Variants in ERF observed in about 807,000 individuals in gnomAD.
ERF encodes the protein ETS2 repressor factor.
In ERF, 10 loss-of-function variants were observed where a neutral mutation model predicts 41.6. The ratio of observed to expected loss-of-function variants is 0.24; its 90% CI spans 0.15 to 0.41. ERF has a LOEUF of 0.41. ERF is among the 10% of genes least tolerant of loss of function. The pLI, the probability that ERF is intolerant of heterozygous loss-of-function variation, is 1.00. For synonymous variants in ERF, 395 were observed against 342.4 expected (o/e 1.15, Z -1.70); for missense variants, 621 against 763.2 (o/e 0.81, Z 2.19).
At chr19:42,254,520 C>G (rs1203529697) in intron 1 of ERF, 1 of 155,362 alleles carries the variant, frequency 6.4e-6, no homozygotes, top group Non-Finnish European at 1.4e-5. Flanking sequence ...AGAGGCCATC[C>G]CGTATCCCCC....
At chr19:42,251,399 G>T (rs1599825541) in intron 1 of ERF, 1 of 983,488 alleles carries the variant, frequency 1.0e-6, no homozygotes, top group East Asian at 1.2e-4. Flanking sequence ...CTTGGGTAGA[G>T]GTTGGCGGTG....
Position 42,248,947 on chromosome 19 carries a change from G to A in ERF, c.1165C>T (p.Arg389Trp), listed in dbSNP as rs1599820769. ...GCTACGGCCTTCTCCCCAGCTGCCC[G>A]CTGCCGGCGTCCGAGTGGGGGCGGC... Reference protein sequence around the residue: ...LQPPPLGRRQRAAGEKAVAGA... With the variant: ...LQPPPLGRRQWAAGEKAVAGA... Residue 389 changes from arginine (R) to tryptophan (W), a missense_variant, in exon 4 of 4, where the codon CGG (arginine) becomes TGG (tryptophan). Physicochemically the swap from Arg to Trp is moderately radical, Grantham distance 101. Transcript: ENST00000222329. This position sits in a 1 kb window ranked among gnomAD's most constrained non-coding sequence, Gnocchi z 4.2. 1 of 1,606,008 alleles carries A rather than the reference G, an allele frequency of 6.2e-7. No homozygotes were observed. The highest frequency in any genetic ancestry group is 8.5e-7 in the Non-Finnish European group (1 of 1,179,522).
At chr19:42,252,978 G>A (rs981582863) in intron 1 of ERF, among the ~76,000 whole-genome samples, 1 of 152,166 alleles carries the variant, frequency 6.6e-6, no homozygotes, top group Non-Finnish European at 1.5e-5. Context: ...TCAGGAGACT[G>A]CGAGACAGAG....
chr19:42,253,669 C>G (rs1271063619), intron 1 of ERF, among the ~76,000 whole-genome samples: 2 of 152,118 alleles, frequency 1.3e-5, no homozygotes, highest in Non-Finnish European at 2.9e-5. Flanking sequence ...CACCCCGGCC[C>G]CACCCCCAGG....
chr19:42,250,081 G>A lies in ERF; in HGVS notation c.258-139C>T. ...CCACAAAAGACAAATCAAGTGCCCA[G>A]AGGGTGGGTACCAGCTCTCTCCTCA... is the stretch of plus-strand genomic sequence containing the variant. On this transcript the variant is annotated intron_variant, in intron 2 of 3. Transcript: ENST00000222329. This position sits in a 1 kb window ranked among gnomAD's most constrained non-coding sequence, Gnocchi z 5.1. 5.6e-6 allele frequency: 5 copies of A among 886,008 alleles called. No homozygotes were observed. Among genetic ancestry groups the A allele is most frequent in the African/African-American group, 3.3e-5 (2 of 60,854 alleles). 54.9% of individuals were successfully genotyped at this position (886,008 alleles called of 1,614,324 possible).
At chr19:42,251,504 T>A in intron 1 of ERF, 16 of 285,846 alleles carry the variant, frequency 5.6e-5, no homozygotes, top group Non-Finnish European at 8.2e-5. Flanking sequence ...ACAGGGGCCA[T>A]CAATAATTCA....
At chr19:42,253,918 C>G (rs2036489707) in intron 1 of ERF, 3 of 1,055,754 alleles carry the variant, frequency 2.8e-6, no homozygotes, top group Non-Finnish European at 1.1e-6. Flanking sequence ...ACAGCGGCGC[C>G]CGGCCCCCTT....
chr19:42,249,851 G>A lies in ERF; in HGVS notation c.349C>T (p.Pro117Ser). Residue 117 changes from proline (P) to serine (S), a missense_variant, in exon 3 of 4, where the codon CCA (proline) becomes TCA (serine). Transcript: ENST00000222329. This position sits in a 1 kb window ranked among gnomAD's most constrained non-coding sequence, Gnocchi z 8.6. ...CCAGCCAACCCCACATCAATGAATG[G>A]GTAATTGACCAGCACCAGTTTGTTG... is the stretch of plus-strand genomic sequence containing the variant. ...NFNKLVLVNYPFIDVGLAGGA... is the reference protein window; with the variant it reads ...NFNKLVLVNYSFIDVGLAGGA... 6.2e-7 allele frequency: 1 copy of A among 1,614,140 alleles called. No homozygotes were observed. The highest frequency in any genetic ancestry group is 1.1e-5 in the South Asian group (1 of 91,068).
In ERF at chr19:42,248,322, G is replaced by T. The variant is rs2036365903; in HGVS notation, c.*143C>A. 2.8e-4 allele frequency: 122 copies of T among 442,484 alleles called. No homozygotes were observed. The highest frequency in any genetic ancestry group is 7.9e-4 in the Middle Eastern group (1 of 1,262). The allele number at this position is 442,484 out of a possible 1,614,324, so 27.4% of individuals were successfully genotyped here. A position where few individuals can be genotyped will look rare whatever the true frequency, so the allele number is the denominator to read the frequency against. ...CCATTTTTAAAAAAAAGAAATTAAA[G>T]TTTTATACAAAATGTGGGGAGGGAA... On this transcript the variant is annotated 3_prime_UTR_variant, in exon 4 of 4. Coordinates refer to ENST00000222329, the MANE Select transcript of ERF (RefSeq NM_006494.4). The surrounding 1 kb of genome is among the most constrained non-coding windows in gnomAD (Gnocchi z 4.2).
At chr19:42,252,957 G>A (rs1282419246) in intron 1 of ERF, among the ~76,000 whole-genome samples, 1 of 152,184 alleles carries the variant, frequency 6.6e-6, no homozygotes, top group Non-Finnish European at 1.5e-5. Flanking sequence ...CAGGCACATG[G>A]AGAGAGGGGT....
chr19:42,248,725 G>C lies in ERF; in HGVS notation c.1387C>G (p.Pro463Ala), dbSNP rs1225495806. 1 of 1,613,636 alleles carries C rather than the reference G, an allele frequency of 6.2e-7. No homozygotes were observed. ...GCCTCGCCGGGCTCAGGCTTAGGGG[G>C]TGCAGGTGGGGCACGGGGCGTCTTG... Reference protein sequence around the residue: ...VFKTPRAPPAPPKPEPGEAPG... With the variant: ...VFKTPRAPPAAPKPEPGEAPG... The change falls in exon 4 of 4, where the codon CCC (proline) becomes GCC (alanine). Residue 463 changes from proline (P) to alanine (A), a missense_variant. Pro to Ala is a conservative substitution (Grantham distance 27, BLOSUM62 -1). Coordinates refer to ENST00000222329, the MANE Select transcript of ERF (RefSeq NM_006494.4). The surrounding 1 kb of genome is among the most constrained non-coding windows in gnomAD (Gnocchi z 4.2).
chr19:42,253,938 C>T, intron 1 of ERF: 1 of 1,032,026 alleles, frequency 9.7e-7, no homozygotes. Flanking sequence ...TCCCCCTCCC[C>T]CGTCCCCGCC....
chr19:42,248,949 T>C lies in ERF; in HGVS notation c.1163A>G (p.Gln388Arg). The C allele has an allele frequency of 6.2e-7, 1 of 1,606,454 alleles. No homozygotes were observed. The change falls in exon 4 of 4, where the codon CAG (glutamine) becomes CGG (arginine). Residue 388 changes from glutamine (Q) to arginine (R), a missense_variant. Physicochemically the swap from Gln to Arg is conservative, Grantham distance 43. Around this residue, in one of 3 missense-constraint regions of ERF, gnomAD observed 569 missense variants for 625.5 expected, o/e 0.91. Transcript: ENST00000222329. This position sits in a 1 kb window ranked among gnomAD's most constrained non-coding sequence, Gnocchi z 4.2. ...KLQPPPLGRR[Q>R]RAAGEKAVAG... is the part of the protein sequence containing the mutation. ...TACGGCCTTCTCCCCAGCTGCCCGC[T>C]GCCGGCGTCCGAGTGGGGGCGGCTG...
chr19:42,254,121 G>A (rs1390295079), intron 1 of ERF, among the ~76,000 whole-genome samples: 1 of 151,834 alleles, frequency 6.6e-6, no homozygotes, highest in Non-Finnish European at 1.5e-5. Flanking sequence ...GCCGACCGAG[G>A]GGGAGGGGAA....
In ERF at chr19:42,247,964, G is replaced by C. The variant is rs949742393; in HGVS notation, c.*501C>G. On this transcript the variant is annotated 3_prime_UTR_variant, in exon 4 of 4. Transcript: ENST00000222329. ...CCTCCCTCCCCTGCTGTGACCTTGTGGGGTATGAGAAACCTAGGCACTCAT... is the reference window on the plus strand; with the variant it reads ...CCTCCCTCCCCTGCTGTGACCTTGTCGGGTATGAGAAACCTAGGCACTCAT... 1 of 153,206 alleles carries C rather than the reference G, an allele frequency of 6.5e-6. No homozygotes were observed. Among genetic ancestry groups the C allele is most frequent in the Non-Finnish European group, 1.5e-5 (1 of 68,586 alleles). The allele number at this position is 153,206 out of a possible 1,614,324, so 9.5% of individuals were successfully genotyped here.
Position 42,250,788 on chromosome 19 carries a change from C to T in ERF, c.23-223G>A, listed in dbSNP as rs111769884. On this transcript the variant is annotated intron_variant, in intron 1 of 3. Coordinates refer to ENST00000222329, the MANE Select transcript of ERF (RefSeq NM_006494.4). This position sits in a 1 kb window ranked among gnomAD's most constrained non-coding sequence, Gnocchi z 5.1. ...GAGGGGAAGCTGGAGCCCGCTCCAG[C>T]GACACCGGGAGAAACAGGAAACCGT... is the stretch of plus-strand genomic sequence containing the variant. Among the ~76,000 whole-genome samples the T allele has an allele frequency of 6.6e-6, 1 of 152,082 alleles. No individual in the cohort carries two copies. Among genetic ancestry groups the T allele is most frequent in the African/African-American group, 2.4e-5 (1 of 41,412 alleles).
chr19:42,253,706 C>A (rs1599828551), intron 1 of ERF: 1 of 285,276 alleles, frequency 3.5e-6, no homozygotes, highest in African/African-American at 2.3e-5. Flanking sequence ...GGTCCCAATC[C>A]CCTGGCGCCG....
chr19:42,250,713 A>T lies in ERF; in HGVS notation c.23-148T>A. ...GTCAAGATCTGATTTAAGAGAAGAC[A>T]GTGCGTGTCTGTCTGTCTGCATGTG... On this transcript the variant is annotated intron_variant, in intron 1 of 3. Coordinates refer to ENST00000222329, the MANE Select transcript of ERF (RefSeq NM_006494.4). The surrounding 1 kb of genome is among the most constrained non-coding windows in gnomAD (Gnocchi z 5.1). 2 of 788,758 alleles carry T rather than the reference A, an allele frequency of 2.5e-6. No homozygotes were observed. The highest frequency in any genetic ancestry group is 4.0e-6 in the Non-Finnish European group (2 of 498,184). 48.9% of individuals were successfully genotyped at this position (788,758 alleles called of 1,614,324 possible).
In ERF at chr19:42,250,717, C is replaced by CGT; in HGVS notation, c.23-154_23-153dup. 1 of 772,306 alleles carries CGT rather than the reference C, an allele frequency of 1.3e-6. No homozygotes were observed. Among genetic ancestry groups the CGT allele is most frequent in the East Asian group, 2.7e-5 (1 of 37,084 alleles). 47.8% of individuals were successfully genotyped at this position (772,306 alleles called of 1,614,324 possible). On this transcript the variant is annotated intron_variant, in intron 1 of 3. Transcript: ENST00000222329. This position sits in a 1 kb window ranked among gnomAD's most constrained non-coding sequence, Gnocchi z 5.1. ...AGATCTGATTTAAGAGAAGACAGTGCGTGTCTGTCTGTCTGCATGTGAGGG... is the reference window on the plus strand; with the variant it reads ...AGATCTGATTTAAGAGAAGACAGTGCGTGTGTCTGTCTGTCTGCATGTGAGGG...
Sources: allele counts gnomAD v4.1 joint callset (sites outside exome capture counted in the v4.1 genomes callset), GRCh38; gene constraint gnomAD v4.1.1; regional missense constraint gnomAD v4.1.1; non-coding constraint Gnocchi (gnomAD v3.1); transcripts MANE v1.5; gene names NCBI Gene and HGNC (gene_info 2026-07-23, HGNC 2026-07-21).